GRAMD1A: variants seen among roughly 807,000 people sequenced by gnomAD.
GRAMD1A encodes the protein protein Aster-A.
A neutral mutation model predicts 92.0 loss-of-function variants in GRAMD1A; 50 were observed. That is an observed-to-expected ratio of 0.54 (90% CI 0.43 to 0.69). GRAMD1A has a LOEUF of 0.69. Among genes scored for constraint, GRAMD1A ranks in the 30% least tolerant of loss-of-function variants. GRAMD1A has a pLI of 0.00. For missense variants in GRAMD1A, 819 were observed against 978.9 expected (o/e 0.84, Z 2.18); for synonymous variants, 405 against 403.6 (o/e 1.00, Z -0.04).
chr19:35,022,860 GC>G, intron 16 of GRAMD1A, 39 bp from the exon 17 acceptor site: 1 of 1,596,840 alleles, frequency 6.3e-7, no homozygotes, highest in Non-Finnish European at 8.5e-7. Flanking sequence ...AGGCCAGGCG[GC>G]GCTCATCTCT....
At position 35,021,894 on chromosome 19, in the gene GRAMD1A, G is replaced by A. The variant is rs1451523965; in HGVS notation, c.1753+30G>A. The stretch of plus-strand genomic sequence containing the variant: ...GTTCCGTTGGGGCCGGGTTGGGGTA[G>A]GCGGAGGATCGGGGGTCCTGGACTG... On this transcript the variant is annotated intron_variant, in intron 15 of 19. Transcript: ENST00000317991. The surrounding 1 kb of genome is among the most constrained non-coding windows in gnomAD (Gnocchi z 5.3). 2 of 1,608,136 alleles carry A rather than the reference G, an allele frequency of 1.2e-6. No individual in the cohort carries two copies. The highest frequency in any genetic ancestry group is 1.7e-6 in the Non-Finnish European group (2 of 1,176,376).
chr19:35,013,161 G>A lies in GRAMD1A; in HGVS notation c.607-95G>A. 1.5e-6 allele frequency: 1 copy of A among 662,672 alleles called. No homozygotes were observed. The allele number at this position is 662,672 out of a possible 1,614,324, so 41.0% of individuals were successfully genotyped here. ...CGTGGCTGCCTCCTTGTGGAAGCCA[G>A]GGGAACTGCGGAGGCCGAGGGCTGG... On this transcript the variant is annotated intron_variant, in intron 7 of 19. Transcript: ENST00000317991. This position sits in a 1 kb window ranked among gnomAD's most constrained non-coding sequence, Gnocchi z 4.9.
intron 19 of GRAMD1A, chr19:35,025,006 C>G (rs1452027542): frequency 6.6e-6 from 1 of 152,286 alleles, no homozygotes; most frequent in African/African-American, 2.4e-5. Flanking sequence ...CCAGGCTGGT[C>G]TCAAACTCCT....
Position 35,025,760 on chromosome 19 carries a change from C to T in GRAMD1A, c.2083-289C>T, listed in dbSNP as rs114714384. Among the ~76,000 whole-genome samples, 252 of 152,200 alleles carry T rather than the reference C, an allele frequency of 1.7e-3. 1 individual carries two copies. Among genetic ancestry groups the T allele is most frequent in the African/African-American group, 5.9e-3 (243 of 41,532 alleles). ...TATTTCAAATGAGGGGATTTTGGCT[C>T]AGGGTGGTTACGGGACTTGCCTGAG... On this transcript the variant is annotated intron_variant, in intron 19 of 19. Coordinates refer to ENST00000317991, the MANE Select transcript of GRAMD1A (RefSeq NM_020895.5).
chr19:35,006,309 G>A (rs754350349), intron 1 of GRAMD1A, among the ~76,000 whole-genome samples: 10 of 152,108 alleles, frequency 6.6e-5, no homozygotes, highest in East Asian at 1.9e-4. Flanking sequence ...GTGACAGCGC[G>A]ACTCTTTGTC....
chr19:35,019,151 C>G (rs2015849601), intron 11 of GRAMD1A, 40 bp from the exon 12 acceptor site: 1 of 1,362,818 alleles, frequency 7.3e-7, no homozygotes, highest in African/African-American at 1.4e-5. Context: ...GGGCAAAGGA[C>G]TGGGGTGTGG....
intron 11 of GRAMD1A, among the ~76,000 whole-genome samples, chr19:35,016,644 T>C (rs1431674493): frequency 6.7e-6 from 1 of 149,936 alleles, no homozygotes; most frequent in African/African-American, 2.5e-5. Flanking sequence ...CTCACGCTTA[T>C]AATCCCAGCG....
intron 19 of GRAMD1A, among the ~76,000 whole-genome samples, chr19:35,025,539 C>T (rs527659092): frequency 1.2e-4 from 18 of 152,276 alleles, no homozygotes; most frequent in African/African-American, 3.6e-4. Context: ...GCACTGTGCC[C>T]GGCCGTTATC....
rs772065016 is a variant in GRAMD1A, at chr19:35,009,307, G to A, written c.197G>A (p.Arg66Gln). The A allele has an allele frequency of 1.4e-5, 22 of 1,613,802 alleles. No individual in the cohort carries two copies. The highest frequency in any genetic ancestry group is 2.2e-5 in the East Asian group (1 of 44,896). Residue 66 changes from arginine (R) to glutamine (Q), a missense_variant, in exon 2 of 20, where the codon CGG (arginine) becomes CAG (glutamine). Transcript: ENST00000317991. The part of the protein sequence containing the change: ...GTPSTQSLGS[R>Q]NFIRNSKKMQ... ...CCCAGCACCCAGAGCCTAGGCAGCC[G>A]GAACTTCATCCGCAACAGCAAGGTT...
rs1275918157 is a variant in GRAMD1A, at chr19:35,000,444, C to CCCTGA, written c.-31_-30insACCTG. ...CCCAGCCCTGCCCTGCCCTGCCCTG[C>CCCTGA]CCTGCGCCCGGGGCGCGCCCACCGC... is the stretch of plus-strand genomic sequence containing the variant. On this transcript the variant is annotated 5_prime_UTR_variant, in exon 1 of 20. Coordinates refer to ENST00000317991, the MANE Select transcript of GRAMD1A (RefSeq NM_020895.5). The surrounding 1 kb of genome is among the most constrained non-coding windows in gnomAD (Gnocchi z 4.9). The CCCTGA allele has an allele frequency of 8.0e-7, 1 of 1,248,708 alleles. No homozygotes were observed. The highest frequency in any genetic ancestry group is 1.0e-6 in the Non-Finnish European group (1 of 992,994). The allele number at this position is 1,248,708 out of a possible 1,614,324, so 77.4% of individuals were successfully genotyped here.
rs1451214615 is a variant in GRAMD1A at position 35,021,468 on chromosome 19, C to T, written c.1476-34C>T. 1 of 1,515,902 alleles carries T rather than the reference C, an allele frequency of 6.6e-7. No individual in the cohort carries two copies. The highest frequency in any genetic ancestry group is 1.1e-5 in the South Asian group (1 of 89,112). 93.9% of individuals were successfully genotyped at this position (1,515,902 alleles called of 1,614,324 possible). A position where few individuals can be genotyped will look rare whatever the true frequency, so the allele number is the denominator to read the frequency against. ...CGGGGCAGCCAGGGCTGGAGTCAGACCCTTACCTCCTTCCCCTGATCTCCC... is the reference window on the plus strand; with the variant it reads ...CGGGGCAGCCAGGGCTGGAGTCAGATCCTTACCTCCTTCCCCTGATCTCCC... On this transcript the variant is annotated intron_variant, in intron 13 of 19. Coordinates refer to ENST00000317991, the MANE Select transcript of GRAMD1A (RefSeq NM_020895.5). The surrounding 1 kb of genome is among the most constrained non-coding windows in gnomAD (Gnocchi z 5.3).
rs1024322277 is a variant in GRAMD1A at position 35,019,318 on chromosome 19, G to A, written c.1332+9G>A. 3.1e-5 allele frequency: 50 copies of A among 1,612,270 alleles called. No individual in the cohort carries two copies. Among genetic ancestry groups the A allele is most frequent in the Non-Finnish European group, 4.2e-5 (49 of 1,178,940 alleles). ...CCGTGGTGGAGACACAGGTGGGCCA[G>A]GTGGGGCAGCCGAGTGGGTGGGGCA... On this transcript the variant is annotated intron_variant, in intron 12 of 19. Transcript: ENST00000317991.
At chr19:34,994,898 AC>A (rs1600255837) in intron 1 of GRAMD1A, 1 of 152,398 alleles carries the variant, frequency 6.6e-6, no homozygotes, top group East Asian at 1.9e-4. Flanking sequence ...CTTTTCCAAA[AC>A]AGGGGAAACC....
At chr19:34,999,917 TC>T, upstream of GRAMD1A, 12 of 760,556 alleles carry the variant, frequency 1.6e-5, no homozygotes, top group Non-Finnish European at 1.9e-5. Flanking sequence ...TCAGGCCCCC[TC>T]CCCCATACAT....
chr19:35,017,667 G>A (rs1232267106), intron 11 of GRAMD1A, among the ~76,000 whole-genome samples: 1 of 146,518 alleles, frequency 6.8e-6, no homozygotes, highest in African/African-American at 2.6e-5. Context: ...CTGGTATCAC[G>A]CGGCCTCCTG....
In GRAMD1A at chr19:35,013,288, G is replaced by T; in HGVS notation, c.639G>T (p.Val213=). 1 of 1,549,908 alleles carries T rather than the reference G, an allele frequency of 6.5e-7. No individual in the cohort carries two copies. The change falls in exon 8 of 20, where the codon GTG becomes GTT. Residue 213 remains valine, a synonymous_variant. Coordinates refer to ENST00000317991, the MANE Select transcript of GRAMD1A (RefSeq NM_020895.5). This position sits in a 1 kb window ranked among gnomAD's most constrained non-coding sequence, Gnocchi z 4.9. ...GTCCCCGCGAGCTCTGGCACCTGGT[G>T]CATCAGTGCTACGGCTCAGAGCTGG... is the stretch of plus-strand genomic sequence containing the variant. ...TLSPRELWHL[V]HQCYGSELGL...
chr19:35,013,662 T>G lies in GRAMD1A; in HGVS notation c.841T>G (p.Ser281Ala). The G allele has an allele frequency of 6.2e-7, 1 of 1,612,456 alleles. No individual in the cohort carries two copies. The highest frequency in any genetic ancestry group is 8.5e-7 in the Non-Finnish European group (1 of 1,179,380). ...SRRGHVTPNL[S>A]RASSDADHGA... ...CCGTGGCCATGTCACGCCCAACCTT[T>G]CCCGAGCCAGCAGCGACGCAGACCA... The change falls in exon 9 of 20, where the codon TCC becomes GCC. Residue 281 changes from serine (S) to alanine (A), a missense_variant. Around this residue, in one of 3 missense-constraint regions of GRAMD1A, gnomAD observed 577 missense variants for 674.6 expected, o/e 0.86. Coordinates refer to ENST00000317991, the MANE Select transcript of GRAMD1A (RefSeq NM_020895.5). The surrounding 1 kb of genome is among the most constrained non-coding windows in gnomAD (Gnocchi z 4.9).
intron 1 of GRAMD1A, among the ~76,000 whole-genome samples, chr19:35,001,783 T>C (rs1411047870): frequency 2.0e-5 from 3 of 152,056 alleles, no homozygotes; most frequent in South Asian, 4.2e-4. Context: ...AAGTTTTGTA[T>C]TTTTAGTAGA....
chr19:34,995,579 T>TG (rs1555709931), upstream of GRAMD1A, among the ~76,000 whole-genome samples: 4,366 of 140,408 alleles, frequency 0.031, 363 homozygotes, highest in African/African-American at 0.11. Flanking sequence ...GGGTTTTTTT[T>TG]TTTTTTTTTT....
Sources: gnomAD v4.1 joint callset for allele counts (sites outside exome capture counted in the v4.1 genomes callset) on GRCh38, gnomAD v4.1.1 for gene constraint, gnomAD v4.1.1 regional missense constraint, Gnocchi (gnomAD v3.1) non-coding constraint, MANE v1.5 for transcripts, NCBI Gene and HGNC (gene_info 2026-07-23, HGNC 2026-07-21) for gene names.